STAM2: variants seen among roughly 807,000 people sequenced by gnomAD.
STAM2 encodes signal transducing adapter molecule 2.
In STAM2, 51 loss-of-function variants were observed where a neutral mutation model predicts 65.6. The ratio of observed to expected loss-of-function variants is 0.78; its 90% CI spans 0.62 to 0.98. The LOEUF is 0.98. STAM2 is among the 50% of genes least tolerant of loss of function. STAM2 has a pLI of 0.00. For missense variants in STAM2, 584 were observed against 617.8 expected (o/e 0.95, Z 0.58); for synonymous variants, 198 against 208.4 (o/e 0.95, Z 0.43).
In STAM2 at chr2:152,122,072, A is replaced by G. The variant is rs1431302130; in HGVS notation, c.1350-1270T>C. ...CCAAAAAAAAAATATATATATATAT[A>G]TATATGTGTGTGTGTGTGTGTGTGT... On this transcript the variant is annotated intron_variant, in intron 13 of 13. Transcript: ENST00000263904. Among the ~76,000 whole-genome samples the G allele has an allele frequency of 5.1e-3, 557 of 108,300 alleles. 2 individuals are homozygous for G. The highest frequency in any genetic ancestry group is 0.017 in the Middle Eastern group (3 of 172). The allele number at this position is 108,300 out of a possible 152,430, so 71.0% of individuals were successfully genotyped here. A position where few individuals can be genotyped will look rare whatever the true frequency, so the allele number is the denominator to read the frequency against.
intron 1 of STAM2, among the ~76,000 whole-genome samples, chr2:152,153,885 TACACAC>T (rs70974824): frequency 0.01 from 1,504 of 144,946 alleles, 11 homozygotes; most frequent in African/African-American, 0.021. Context: ...AGACATTACA[TACACAC>T]ACACACACAC....
chr2:152,138,881 T>C (rs1196535425), intron 7 of STAM2, among the ~76,000 whole-genome samples: 1 of 152,158 alleles, frequency 6.6e-6, no homozygotes. Context: ...ACCTGTGAAA[T>C]GGATGCAAGC....
Position 152,119,170 on chromosome 2 carries a change from T to C in STAM2, c.*1404A>G, listed in dbSNP as rs1688804476. 1 of 152,226 alleles carries C rather than the reference T, an allele frequency of 6.6e-6. No homozygotes were observed. The highest frequency in any genetic ancestry group is 6.5e-5 in the Admixed American group (1 of 15,278). 9.4% of individuals were successfully genotyped at this position (152,226 alleles called of 1,614,324 possible). A position where few individuals can be genotyped will look rare whatever the true frequency, so the allele number is the denominator to read the frequency against. ...TTTTCCCAATCTGAATATGTTTCCA[T>C]ACATGTATGTATTTGCAATTTCTAT... On this transcript the variant is annotated 3_prime_UTR_variant, in exon 14 of 14. Coordinates refer to ENST00000263904, the MANE Select transcript of STAM2 (RefSeq NM_005843.6).
intron 1 of STAM2, among the ~76,000 whole-genome samples, chr2:152,172,033 G>C (rs1164347336): frequency 6.6e-6 from 1 of 152,130 alleles, no homozygotes; most frequent in Admixed American, 6.5e-5. Context: ...CTTTCCCCTT[G>C]GAATTCTACA....
chr2:152,173,375 T>A (rs923900820), intron 1 of STAM2, among the ~76,000 whole-genome samples: 1 of 96,666 alleles, frequency 1.0e-5, no homozygotes, highest in Non-Finnish European at 2.4e-5. Flanking sequence ...TATATATACA[T>A]ATATATATAT....
chr2:152,127,172 T>C (rs1688977880), intron 11 of STAM2, among the ~76,000 whole-genome samples: 1 of 152,228 alleles, frequency 6.6e-6, no homozygotes. Flanking sequence ...AATAAAACCC[T>C]GCTTTTGTTC....
At chr2:152,149,852 G>C (rs994681492) in intron 2 of STAM2, among the ~76,000 whole-genome samples, 1 of 152,054 alleles carries the variant, frequency 6.6e-6, no homozygotes, top group Admixed American at 6.5e-5. Flanking sequence ...ACAGTAGATG[G>C]ACATATATTT....
Position 152,120,423 on chromosome 2 carries a change from T to C in STAM2, c.*151A>G, listed in dbSNP as rs1200121341. The C allele has an allele frequency of 1.7e-5, 10 of 589,402 alleles. No individual in the cohort carries two copies. Among genetic ancestry groups the C allele is most frequent in the Non-Finnish European group, 2.6e-5 (9 of 349,912 alleles). The allele number at this position is 589,402 out of a possible 1,614,324, so 36.5% of individuals were successfully genotyped here. ...AAAAAAAAAAAAAAAAAACCTTTTATGGCCTTGTAGAATAAGAGAGGTTTT... is the reference window on the plus strand; with the variant it reads ...AAAAAAAAAAAAAAAAAACCTTTTACGGCCTTGTAGAATAAGAGAGGTTTT... On this transcript the variant is annotated 3_prime_UTR_variant, in exon 14 of 14. Transcript: ENST00000263904.
chr2:152,171,889 G>C (rs534476992), intron 1 of STAM2, among the ~76,000 whole-genome samples: 1 of 152,262 alleles, frequency 6.6e-6, no homozygotes, highest in African/African-American at 2.4e-5. Context: ...CTTGAGTAAA[G>C]GGAAAAAAGA....
At chr2:152,145,747 G>C (rs1442063629) in intron 5 of STAM2, among the ~76,000 whole-genome samples, 1 of 152,176 alleles carries the variant, frequency 6.6e-6, no homozygotes, top group East Asian at 1.9e-4. Context: ...ATTGTGGCTG[G>C]GTGGCAGTGG....
chr2:152,151,989 G>C (rs1343996298), intron 1 of STAM2, among the ~76,000 whole-genome samples: 1 of 152,150 alleles, frequency 6.6e-6, no homozygotes, highest in African/African-American at 2.4e-5. Context: ...GCCCAGGCTG[G>C]TGTGCAGTGG....
intron 1 of STAM2, among the ~76,000 whole-genome samples, chr2:152,162,259 C>G (rs1434408759): frequency 1.3e-5 from 2 of 152,146 alleles, no homozygotes; most frequent in African/African-American, 4.8e-5. Context: ...TCACTTGCTC[C>G]TCAATCAAAT....
Position 152,120,136 on chromosome 2 carries a change from A to G in STAM2, c.*438T>C. On this transcript the variant is annotated 3_prime_UTR_variant, in exon 14 of 14. Coordinates refer to ENST00000263904, the MANE Select transcript of STAM2 (RefSeq NM_005843.6). Reference sequence around the variant, plus strand: ...TTTAGGGGGAAACAGTGGTTTCTTTAAAATAATATTTTAATCCTCCTATCT... The same window carrying G: ...TTTAGGGGGAAACAGTGGTTTCTTTGAAATAATATTTTAATCCTCCTATCT... 1 of 154,652 alleles carries G rather than the reference A, an allele frequency of 6.5e-6. No homozygotes were observed. Among genetic ancestry groups the G allele is most frequent in the African/African-American group, 2.4e-5 (1 of 41,564 alleles). The allele number at this position is 154,652 out of a possible 1,614,324, so 9.6% of individuals were successfully genotyped here.
At position 152,123,833 on chromosome 2, in the gene STAM2, G is replaced by C; in HGVS notation, c.1282C>G (p.Leu428Val). 1 of 1,614,124 alleles carries C rather than the reference G, an allele frequency of 6.2e-7. No homozygotes were observed. The highest frequency in any genetic ancestry group is 8.5e-7 in the Non-Finnish European group (1 of 1,179,988). ...YSLGPDQIGP[L>V]RSLPPNVNSS... is the part of the protein sequence containing the mutation. ...TTCACATTTGGAGGCAGAGATCTCA[G>C]TGGACCAATTTGATCGGGTCCTAGG... is the stretch of plus-strand genomic sequence containing the variant. Residue 428 changes from leucine to valine, a missense_variant, in exon 13 of 14, where the codon CTG (leucine) becomes GTG (valine). By Grantham distance (32) the Leu-to-Val change is conservative (BLOSUM62 1). Coordinates refer to ENST00000263904, the MANE Select transcript of STAM2 (RefSeq NM_005843.6).
At chr2:152,166,989 A>T (rs909658981) in intron 1 of STAM2, among the ~76,000 whole-genome samples, 1 of 152,246 alleles carries the variant, frequency 6.6e-6, no homozygotes, top group African/African-American at 2.4e-5. Context: ...ATACAATAAC[A>T]ATTTCACTGA....
At chr2:152,162,906 C>G (rs531092015) in intron 1 of STAM2, among the ~76,000 whole-genome samples, 1 of 152,106 alleles carries the variant, frequency 6.6e-6, no homozygotes, top group East Asian at 1.9e-4. Context: ...GTGATCTGCC[C>G]GCCTCAGCCT....
At chr2:152,127,598 G>GAA (rs111255186) in intron 11 of STAM2, among the ~76,000 whole-genome samples, 6 of 135,770 alleles carry the variant, frequency 4.4e-5, no homozygotes, top group African/African-American at 1.6e-4. Context: ...AGTGTCAACT[G>GAA]AAAAAAAAAA....
intron 1 of STAM2, among the ~76,000 whole-genome samples, chr2:152,163,592 G>T (rs1355071745): frequency 6.6e-6 from 1 of 152,164 alleles, no homozygotes; most frequent in Non-Finnish European, 1.5e-5. Flanking sequence ...ATAACCATAA[G>T]GTCTGACTGC....
rs143806631 is a variant in STAM2 at position 152,170,937 on chromosome 2, A to G, written c.40+4666T>C. Among the ~76,000 whole-genome samples, 1,429 of 152,292 alleles carry G rather than the reference A, an allele frequency of 9.4e-3. 30 individuals carry two copies. Among genetic ancestry groups the G allele is most frequent in the African/African-American group, 0.033 (1,353 of 41,548 alleles). ...CTTGAACCTGGGAAGCAGAGGTTGC[A>G]GTGAGCTGAGATTACACCACTGCAC... On this transcript the variant is annotated intron_variant, in intron 1 of 13. Coordinates refer to ENST00000263904, the MANE Select transcript of STAM2 (RefSeq NM_005843.6).
Sources: gnomAD v4.1 joint callset for allele counts (sites outside exome capture counted in the v4.1 genomes callset) on GRCh38, gnomAD v4.1.1 for gene constraint, MANE v1.5 for transcripts, NCBI Gene and HGNC (gene_info 2026-07-23, HGNC 2026-07-21) for gene names.